The following STPG2 variants were observed in gnomAD, a reference collection of about 807,000 sequenced individuals.
STPG2 encodes sperm-tail PG-rich repeat-containing protein 2.
Under a neutral mutation model 54.2 loss-of-function variants are expected in STPG2, and 56 were observed. That is an observed-to-expected ratio of 1.03 (90% confidence interval 0.83 to 1.29). The LOEUF is 1.29. STPG2 is among the 50% of genes most tolerant of loss of function. The pLI, the probability that STPG2 is intolerant of heterozygous loss-of-function variation, is 0.00. For missense variants in STPG2, 596 were observed against 544.9 expected, an observed-to-expected ratio of 1.09 and a Z score of -0.93; for synonymous variants, 200 against 181.8, an observed-to-expected ratio of 1.10 and a Z score of -0.81.
intron 4 of STPG2, among the ~76,000 whole-genome samples, chr4:97,504,136 A>C (rs1560635773): frequency 7.0e-6 from 1 of 143,598 alleles, no homozygotes; most frequent in African/African-American, 2.5e-5. Flanking sequence ...ATTTTATTTT[A>C]TTTAATATTT....
At chr4:97,867,648 T>G (rs1235124291) in intron 8 of STPG2, among the ~76,000 whole-genome samples, 1 of 152,044 alleles carries the variant, frequency 6.6e-6, no homozygotes, top group African/African-American at 2.4e-5. Flanking sequence ...AATTTATTTT[T>G]ATCACACAAC....
intron 10 of STPG2, among the ~76,000 whole-genome samples, chr4:97,691,920 G>A (rs1319833246): frequency 1.3e-5 from 2 of 152,096 alleles, no homozygotes. Context: ...GCTTGACTGT[G>A]TGGTTAGATC....
chr4:97,643,100 T>G (rs569332221), intron 10 of STPG2, among the ~76,000 whole-genome samples: 1 of 151,746 alleles, frequency 6.6e-6, no homozygotes, highest in East Asian at 1.9e-4. Context: ...AACTCCTTAT[T>G]CATTATATAA....
chr4:97,806,113 C>G (rs1170305519), intron 9 of STPG2, among the ~76,000 whole-genome samples: 3 of 150,424 alleles, frequency 2.0e-5, no homozygotes, highest in Non-Finnish European at 2.9e-5. Context: ...AGATGCCCAA[C>G]AGTGGATTAG....
chr4:98,055,931 G>A (rs1737466799), intron 5 of STPG2, among the ~76,000 whole-genome samples: 2 of 152,086 alleles, frequency 1.3e-5, no homozygotes, highest in South Asian at 4.1e-4. Flanking sequence ...CCCGAACACT[G>A]GATAGCTCCA....
At chr4:97,837,577 A>C (rs165252) in intron 9 of STPG2, among the ~76,000 whole-genome samples, 88,187 of 151,290 alleles carry the variant, frequency 0.58, 26,267 homozygotes, top group East Asian at 0.74. Flanking sequence ...TAATGTGATA[A>C]GCCTCATTTA....
chr4:98,056,847 C>T (rs1737500571), intron 5 of STPG2, among the ~76,000 whole-genome samples: 1 of 151,748 alleles, frequency 6.6e-6, no homozygotes, highest in Admixed American at 6.6e-5. Flanking sequence ...TGCCTCTTTA[C>T]TCTCTCTCTC....
chr4:98,009,362 A>AT (rs35878687), intron 5 of STPG2, among the ~76,000 whole-genome samples: 58,916 of 151,354 alleles, frequency 0.39, 11,624 homozygotes, highest in Middle Eastern at 0.46. Context: ...GAAGTGTGTC[A>AT]TTCAATTTTC....
At chr4:97,852,862 A>T (rs1463100736) in intron 8 of STPG2, among the ~76,000 whole-genome samples, 2 of 151,678 alleles carry the variant, frequency 1.3e-5, no homozygotes, top group Non-Finnish European at 2.9e-5. Context: ...TTTCCATGTT[A>T]TGACACATAG....
At chr4:97,847,919 C>A (rs1471252468) in intron 8 of STPG2, among the ~76,000 whole-genome samples, 1 of 152,198 alleles carries the variant, frequency 6.6e-6, no homozygotes, top group Non-Finnish European at 1.5e-5. Context: ...CCTTTACTAC[C>A]AAAAAGATCC....
chr4:97,933,816 T>A (rs1452675817), intron 8 of STPG2, among the ~76,000 whole-genome samples: 2 of 152,224 alleles, frequency 1.3e-5, no homozygotes, highest in Non-Finnish European at 2.9e-5. Context: ...AGCTTTGCTC[T>A]TTTTGCTTAG....
chr4:97,752,369 G>A (rs1725603813), intron 9 of STPG2, among the ~76,000 whole-genome samples: 1 of 151,750 alleles, frequency 6.6e-6, no homozygotes, highest in Admixed American at 6.6e-5. Flanking sequence ...GCTTAAAGAG[G>A]TTAAGTGACT....
chr4:97,534,231 G>T (rs1731479363), intron 4 of STPG2, among the ~76,000 whole-genome samples: 1 of 151,938 alleles, frequency 6.6e-6, no homozygotes, highest in Non-Finnish European at 1.5e-5. Flanking sequence ...GTCATACATG[G>T]TCATGAGGTA....
intron 4 of STPG2, among the ~76,000 whole-genome samples, chr4:97,546,139 TC>T (rs11297109): frequency 0.015 from 2,294 of 151,940 alleles, 57 homozygotes; most frequent in African/African-American, 0.053. Context: ...ACTACTACAC[TC>T]ATAAGGAAAA....
chr4:97,761,993 C>G (rs1725901690), intron 9 of STPG2, among the ~76,000 whole-genome samples: 1 of 152,028 alleles, frequency 6.6e-6, no homozygotes, highest in South Asian at 2.1e-4. Context: ...AGACTAGTCA[C>G]TATGGCAGAG....
chr4:98,039,761 T>C (rs1006107189), intron 5 of STPG2, among the ~76,000 whole-genome samples: 1 of 151,788 alleles, frequency 6.6e-6, no homozygotes, highest in African/African-American at 2.4e-5. Flanking sequence ...ATGACTTCAC[T>C]ATTGTGAAGA....
chr4:97,568,901 T>G (rs1355493140), intron 10 of STPG2, among the ~76,000 whole-genome samples: 1 of 66,494 alleles, frequency 1.5e-5, no homozygotes, highest in African/African-American at 4.5e-5. Flanking sequence ...TTTTGTTTTG[T>G]TTTTTTTTTT....
chr4:97,832,154 C>T (rs761462813), intron 9 of STPG2, among the ~76,000 whole-genome samples: 1 of 152,138 alleles, frequency 6.6e-6, no homozygotes, highest in Non-Finnish European at 1.5e-5. Flanking sequence ...AGAAGCACAT[C>T]AAAAAGCTTA....
chr4:98,026,775 T>C (rs1489236442), intron 5 of STPG2, among the ~76,000 whole-genome samples: 2 of 152,156 alleles, frequency 1.3e-5, no homozygotes, highest in African/African-American at 4.8e-5. Context: ...GTTCTTAGTG[T>C]ATTTCTTGCC....
Sources: gnomAD v4.1 joint callset for allele counts (sites outside exome capture counted in the v4.1 genomes callset) on GRCh38, gnomAD v4.1.1 for gene constraint, MANE v1.5 for transcripts, NCBI Gene and HGNC (gene_info 2026-07-23, HGNC 2026-07-21) for gene names.